The following TTLL6 variants were observed in gnomAD, a reference collection of about 807,000 sequenced individuals.
TTLL6 encodes the protein tubulin polyglutamylase TTLL6.
A neutral mutation model predicts 96.4 loss-of-function variants in TTLL6; 75 were observed. The observed-to-expected ratio is 0.78, with a 90% CI of 0.65 to 0.94. The LOEUF (loss-of-function observed/expected upper bound fraction) is 0.94, where lower values mean the gene tolerates loss of function less well. Among genes scored for constraint, TTLL6 ranks in the 40% least tolerant of loss-of-function variants. The probability of loss-of-function intolerance (pLI) is 0.00; values close to 1 mark genes in which losing one functional copy is unlikely to be tolerated. For missense variants in TTLL6, 1,030 were observed against 1,093.0 expected (o/e 0.94, Z 0.81); for synonymous variants, 411 against 419.4 (o/e 0.98, Z 0.24).
intron 9 of TTLL6, among the ~76,000 whole-genome samples, chr17:48,790,906 G>A (rs933742511): frequency 2.6e-5 from 4 of 152,134 alleles, no homozygotes; most frequent in African/African-American, 7.2e-5. Context: ...ATGGGTCTAG[G>A]GGAGGCAGGA....
In TTLL6 at chr17:48,787,118, C is replaced by T. The variant is rs893483032; in HGVS notation, c.1589+693G>A. Among the ~76,000 whole-genome samples, 3 of 152,046 alleles carry T rather than the reference C, an allele frequency of 2.0e-5. No homozygotes were observed. In the East Asian group the frequency reaches 5.8e-4, roughly 30 times the overall value. The stretch of plus-strand genomic sequence containing the variant: ...TGCTGGGATTACAGGCGTGAGCCAC[C>T]GCGCCTGGCCTGTCATCATCTTTAT... On this transcript the variant is annotated intron_variant, in intron 11 of 15. Coordinates refer to ENST00000393382, the MANE Select transcript of TTLL6 (RefSeq NM_001130918.3).
In TTLL6 at chr17:48,816,968, A is replaced by AC. The variant is rs2039676399; in HGVS notation, c.103+1dup. On this transcript the variant is annotated splice_donor_variant, in intron 1 of 15. Coordinates refer to ENST00000393382, the MANE Select transcript of TTLL6 (RefSeq NM_001130918.3). LOFTEE classifies it high-confidence loss of function. ...CAGCACCGGGCTTTGGGGCGCTCTT[A>AC]CCCGCAATTCCTACTCCCCCGTCTC... is the stretch of plus-strand genomic sequence containing the variant. 6.5e-7 allele frequency: 1 copy of AC among 1,530,402 alleles called. No individual in the cohort carries two copies. Among genetic ancestry groups the AC allele is most frequent in the Non-Finnish European group, 8.8e-7 (1 of 1,140,918 alleles). The allele number at this position is 1,530,402 out of a possible 1,614,324, so 94.8% of individuals were successfully genotyped here.
intron 6 of TTLL6, 139 bp downstream of exon 6, chr17:48,799,465 C>G (rs2039373021): frequency 2.3e-6 from 2 of 861,694 alleles, no homozygotes; most frequent in African/African-American, 3.4e-5. Context: ...AACGTTTGGT[C>G]TGACAAAGTG....
At chr17:48,794,130 G>C in intron 8 of TTLL6, 1 of 1,602,216 alleles carries the variant, frequency 6.2e-7, no homozygotes, top group East Asian at 2.2e-5. Flanking sequence ...AGTGGGGTGA[G>C]AGGGAGATGA....
At chr17:48,770,333 G>T (rs1449038164) in intron 13 of TTLL6, among the ~76,000 whole-genome samples, 1 of 151,814 alleles carries the variant, frequency 6.6e-6, no homozygotes, top group Non-Finnish European at 1.5e-5. Context: ...ATTAAGAGCT[G>T]GTTCATTAGC....
intron 13 of TTLL6, 114 bp downstream of exon 13, chr17:48,784,809 A>C: frequency 1.2e-6 from 1 of 800,328 alleles, no homozygotes; most frequent in Non-Finnish European, 2.0e-6. Flanking sequence ...GGAGACACCA[A>C]GGCCCAGGGA....
At position 48,770,088 on chromosome 17, in the gene TTLL6, A is replaced by C. The variant is rs1165103231; in HGVS notation, c.2050T>G (p.Ser684Ala). Residue 684 changes from serine to alanine, a missense_variant, in exon 14 of 16, where the codon TCC becomes GCC. By Grantham distance (99) the Ser-to-Ala change is moderately conservative (BLOSUM62 1). Transcript: ENST00000393382. ...NVFTGTVHLT[S>A]VETTPESTTQ... is the part of the protein sequence containing the mutation. ...GTGGATTCTGGGGTGGTTTCTACGGAGGTTAAGTGCTGGAAGAAAAGACAG... is the reference window on the plus strand; with the variant it reads ...GTGGATTCTGGGGTGGTTTCTACGGCGGTTAAGTGCTGGAAGAAAAGACAG... 1 of 1,602,116 alleles carries C rather than the reference A, an allele frequency of 6.2e-7. No homozygotes were observed. Among genetic ancestry groups the C allele is most frequent in the Non-Finnish European group, 8.5e-7 (1 of 1,172,388 alleles).
chr17:48,791,306 G>C (rs1438797766), intron 9 of TTLL6, 72 bp downstream of exon 9: 1 of 1,354,182 alleles, frequency 7.4e-7, no homozygotes, highest in Non-Finnish European at 1.0e-6. Context: ...TGAGCCAGGA[G>C]GGCGGAATCC....
chr17:48,763,540 T>TGTGGG (rs1255432467), intron 15 of TTLL6, among the ~76,000 whole-genome samples: 2 of 152,172 alleles, frequency 1.3e-5, no homozygotes, highest in Admixed American at 1.3e-4. Flanking sequence ...CTCATGCCTG[T>TGTGGG]AATCCCAGCT....
rs1225614076 is a variant in TTLL6, at chr17:48,801,622, T to C, written c.383A>G (p.Tyr128Cys). 6.4e-7 allele frequency: 1 copy of C among 1,551,522 alleles called. No homozygotes were observed. The highest frequency in any genetic ancestry group is 1.4e-5 in the African/African-American group (1 of 72,994). ...GTCTTCCCCTCCCTCTCTAAAGCCGTACTGTTGGGCAGCCCTGCGCACTAT... is the reference window on the plus strand; with the variant it reads ...GTCTTCCCCTCCCTCTCTAAAGCCGCACTGTTGGGCAGCCCTGCGCACTAT... ...YESVRRAAQQ[Y>C]GFREGGEDDD... The change falls in exon 4 of 16, where the codon TAC becomes TGC. Residue 128 changes from tyrosine (Y) to cysteine (C), a missense_variant. Coordinates refer to ENST00000393382, the MANE Select transcript of TTLL6 (RefSeq NM_001130918.3).
At chr17:48,773,462 C>T (rs533667173) in intron 13 of TTLL6, among the ~76,000 whole-genome samples, 1 of 152,306 alleles carries the variant, frequency 6.6e-6, no homozygotes, top group East Asian at 1.9e-4. Flanking sequence ...AGGCTCATGC[C>T]TATAATCCCA....
At chr17:48,805,725 C>T (rs1262012570) in intron 1 of TTLL6, among the ~76,000 whole-genome samples, 4 of 152,220 alleles carry the variant, frequency 2.6e-5, no homozygotes, top group African/African-American at 9.6e-5. Flanking sequence ...GTAATCCCAA[C>T]ACTCTGGGAG....
At chr17:48,805,667 A>C (rs183596970) in intron 1 of TTLL6, among the ~76,000 whole-genome samples, 2 of 152,304 alleles carry the variant, frequency 1.3e-5, no homozygotes, top group East Asian at 3.9e-4. Context: ...GATTTCGTTC[A>C]TGTTTACTCA....
rs543566129 is a variant in TTLL6, at chr17:48,766,556, T to A, written c.*2433A>T. Among the ~76,000 whole-genome samples, 9 of 152,302 alleles carry A rather than the reference T, an allele frequency of 5.9e-5. No homozygotes were observed. In the East Asian group the frequency reaches 1.7e-3, roughly 29 times the overall value. On this transcript the variant is annotated intron_variant, in intron 15 of 15. Transcript: ENST00000393382. The stretch of plus-strand genomic sequence containing the variant: ...CAAGTTTTCATTGTAATGTGCTACA[T>A]CATCCTTTTTTAAATAGTAGAAACA...
In TTLL6 at chr17:48,799,663, G is replaced by A. The variant is rs184637978; in HGVS notation, c.709C>T (p.Arg237Trp). The A allele has an allele frequency of 9.9e-5, 154 of 1,551,830 alleles. No homozygotes were observed. The African/African-American group carries it at 1.1e-3, about 12-fold the overall frequency. ...GCQGKGIFIT[R>W]TVKEIKPGED... is the part of the protein sequence containing the mutation. ...CCTGGTTTGATTTCTTTCACTGTCC[G>A]GGTGATGAATATACCTTTCCCTTGG... The change falls in exon 6 of 16, where the codon CGG (arginine) becomes TGG (tryptophan). Residue 237 changes from arginine (R) to tryptophan (W), a missense_variant. By Grantham distance (101) the Arg-to-Trp change is moderately radical. Transcript: ENST00000393382.
At chr17:48,781,110 C>T (rs972911805) in intron 13 of TTLL6, among the ~76,000 whole-genome samples, 2 of 151,510 alleles carry the variant, frequency 1.3e-5, no homozygotes, top group African/African-American at 2.4e-5. Flanking sequence ...TGCAGTGGCG[C>T]GATCTTGGCT....
At chr17:48,790,363 G>A (rs1459399692) in intron 9 of TTLL6, among the ~76,000 whole-genome samples, 2 of 152,240 alleles carry the variant, frequency 1.3e-5, no homozygotes, top group African/African-American at 4.8e-5. Flanking sequence ...TTTGGTGTGT[G>A]TGTTCCACTC....
intron 3 of TTLL6, among the ~76,000 whole-genome samples, chr17:48,801,975 G>A (rs2039423941): frequency 6.6e-6 from 1 of 151,542 alleles, no homozygotes. Context: ...AGCCCTGGAA[G>A]TCGAGGCTGC....
chr17:48,802,815 G>C, intron 3 of TTLL6, among the ~76,000 whole-genome samples: 1 of 152,196 alleles, frequency 6.6e-6, no homozygotes, highest in African/African-American at 2.4e-5. Context: ...AGGTTGCAGT[G>C]AGCCAAGATC....
Sources: gnomAD v4.1 joint callset for allele counts (sites outside exome capture counted in the v4.1 genomes callset) on GRCh38, gnomAD v4.1.1 for gene constraint, MANE v1.5 for transcripts, NCBI Gene and HGNC (gene_info 2026-07-23, HGNC 2026-07-21) for gene names.